The following KLF8 variants were observed in gnomAD, a reference collection of about 807,000 sequenced individuals.
KLF8 encodes the protein Krueppel-like factor 8.
A neutral mutation model predicts 18.2 loss-of-function variants in KLF8; 10 were observed. That is an observed-to-expected ratio of 0.55 (90% CI 0.34 to 0.93). The LOEUF (loss-of-function observed/expected upper bound fraction) is 0.93. KLF8 is among the 40% of genes least tolerant of loss of function. KLF8 has a pLI of 0.02. For missense variants in KLF8, 264 were observed against 277.9 expected, an observed-to-expected ratio of 0.95 and a Z score of 0.36; for synonymous variants, 109 against 97.3, an observed-to-expected ratio of 1.12 and a Z score of -0.71.
the KLF8 span, among the ~76,000 whole-genome samples, chrX:56,191,640 T>C: frequency 6.3e-5 from 7 of 111,671 alleles, no homozygotes; most frequent in African/African-American, 2.3e-4. Context: ...TCAAGGATGG[T>C]TCAGAACATG....
At chrX:56,130,588 C>A in the KLF8 span, among the ~76,000 whole-genome samples, 2 of 110,956 alleles carry the variant, frequency 1.8e-5, no homozygotes, top group South Asian at 7.7e-4. Context: ...ATGACAAAAC[C>A]AGGTTCTTTA....
chrX:56,184,590 C>A, the KLF8 span, among the ~76,000 whole-genome samples: 1 of 111,696 alleles, frequency 9.0e-6, no homozygotes, highest in Non-Finnish European at 1.9e-5. Context: ...TCCCTGACCC[C>A]GAACTCCTGA....
the KLF8 span, among the ~76,000 whole-genome samples, chrX:56,130,105 C>T: frequency 9.0e-6 from 1 of 110,510 alleles, no homozygotes; most frequent in African/African-American, 3.3e-5. Context: ...CTTGGGAGTT[C>T]TAAGGCCTCG....
chrX:55,912,809 A>G, the KLF8 span, among the ~76,000 whole-genome samples: 14 of 111,710 alleles, frequency 1.3e-4, no homozygotes, highest in Non-Finnish European at 2.4e-4. Flanking sequence ...AGGCCCCTCT[A>G]TTGAGCATGT....
At chrX:56,172,475 T>A in the KLF8 span, among the ~76,000 whole-genome samples, 1 of 112,085 alleles carries the variant, frequency 8.9e-6, no homozygotes, top group Non-Finnish European at 1.9e-5. Flanking sequence ...TTGGTGTATT[T>A]GTGCCACATT....
At chrX:56,197,857 G>T in the KLF8 span, among the ~76,000 whole-genome samples, 1 of 111,722 alleles carries the variant, frequency 9.0e-6, no homozygotes, top group South Asian at 3.7e-4. Context: ...CTGGCAAACC[G>T]AATCCAGCAG....
the KLF8 span, among the ~76,000 whole-genome samples, chrX:56,185,283 GATGAAATGA>G: frequency 6.3e-5 from 7 of 111,972 alleles, no homozygotes; most frequent in African/African-American, 2.3e-4. Context: ...AGTGATAGAA[GATGAAATGA>G]ATGAAATGAA....
the KLF8 span, among the ~76,000 whole-genome samples, chrX:56,060,400 G>C: frequency 8.9e-6 from 1 of 111,874 alleles, no homozygotes; most frequent in Non-Finnish European, 1.9e-5. Flanking sequence ...ATGAAGAGGT[G>C]TTGAATTTTA....
At chrX:55,936,033 G>T in the KLF8 span, among the ~76,000 whole-genome samples, 22 of 112,108 alleles carry the variant, frequency 2.0e-4, no homozygotes, top group Non-Finnish European at 3.9e-4. Context: ...AGAATTAGCT[G>T]CATGGATTTT....
chrX:55,991,774 T>C, the KLF8 span, among the ~76,000 whole-genome samples: 1 of 112,723 alleles, frequency 8.9e-6, no homozygotes, highest in Admixed American at 9.4e-5. Flanking sequence ...TGTTATTTTT[T>C]GTCTTTATAA....
the KLF8 span, among the ~76,000 whole-genome samples, chrX:55,965,058 C>T: frequency 2.7e-5 from 3 of 111,395 alleles, no homozygotes; most frequent in Non-Finnish European, 3.8e-5. Flanking sequence ...TTCTATGAGG[C>T]CAGAATCTTT....
the KLF8 span, among the ~76,000 whole-genome samples, chrX:56,150,156 C>T: frequency 9.0e-6 from 1 of 111,321 alleles, no homozygotes; most frequent in South Asian, 3.9e-4. Flanking sequence ...AAAATGTCTT[C>T]CTTAGCCCTA....
the KLF8 span, among the ~76,000 whole-genome samples, chrX:55,956,196 C>G: frequency 1.2e-4 from 13 of 108,359 alleles, no homozygotes; most frequent in Non-Finnish European, 1.9e-4. Flanking sequence ...ATCTATGTAT[C>G]TATCTATCTA....
the KLF8 span, among the ~76,000 whole-genome samples, chrX:56,154,613 T>C: frequency 8.9e-6 from 1 of 111,979 alleles, no homozygotes; most frequent in Non-Finnish European, 1.9e-5. Flanking sequence ...TGGGATCTAA[T>C]TAAACTAAAT....
the KLF8 span, among the ~76,000 whole-genome samples, chrX:56,164,005 G>T: frequency 8.9e-6 from 1 of 111,874 alleles, no homozygotes; most frequent in Non-Finnish European, 1.9e-5. Context: ...CTGTAGACTT[G>T]TAGTATAGTT....
At chrX:56,248,425 AC>A (rs2066656420) in intron 1 of KLF8, among the ~76,000 whole-genome samples, 1 of 111,641 alleles carries the variant, frequency 9.0e-6, no homozygotes, top group Admixed American at 9.5e-5. Context: ...ATACCGTGTT[AC>A]CCCCTCTTTT....
At chrX:56,045,487 G>A in the KLF8 span, among the ~76,000 whole-genome samples, 1 of 111,842 alleles carries the variant, frequency 8.9e-6, no homozygotes, top group Non-Finnish European at 1.9e-5. Context: ...ATTGCTTTTA[G>A]CAGTATGGTC....
the KLF8 span, among the ~76,000 whole-genome samples, chrX:55,992,157 A>G: frequency 6.2e-5 from 7 of 112,454 alleles, no homozygotes; most frequent in Admixed American, 9.4e-5. Flanking sequence ...TGGAGTCTTC[A>G]TCATGAAATA....
At chrX:56,150,163 C>T in the KLF8 span, among the ~76,000 whole-genome samples, 1 of 111,176 alleles carries the variant, frequency 9.0e-6, no homozygotes. Context: ...CTTCCTTAGC[C>T]CTAGGCTGAC....
Sources: gnomAD v4.1 joint callset for allele counts (sites outside exome capture counted in the v4.1 genomes callset) on GRCh38, gnomAD v4.1.1 for gene constraint, MANE v1.5 for transcripts, NCBI Gene and HGNC (gene_info 2026-07-23, HGNC 2026-07-21) for gene names.